Variants in TMEM116 observed in about 807,000 individuals in gnomAD.
The protein encoded by TMEM116 is transmembrane protein 116.
A neutral mutation model predicts 44.3 loss-of-function variants in TMEM116; 38 were observed. The ratio of observed to expected loss-of-function variants is 0.86; its 90% CI spans 0.66 to 1.12. The LOEUF is 1.12. TMEM116 is among the 50% of genes most tolerant of loss of function. The pLI, the probability that TMEM116 is intolerant of heterozygous loss-of-function variation, is 0.00. For synonymous variants in TMEM116, 132 were observed against 144.8 expected (o/e 0.91, Z 0.64); for missense variants, 354 against 401.7 (o/e 0.88, Z 1.01).
At chr12:111,932,867 A>G in intron 9 of TMEM116, 1 of 576,844 alleles carries the variant, frequency 1.7e-6, no homozygotes. Context: ...TTAGTGTAGT[A>G]ATGGTAGCAG....
chr12:111,984,171 G>C (rs1436553340), intron 4 of TMEM116, among the ~76,000 whole-genome samples: 1 of 151,500 alleles, frequency 6.6e-6, no homozygotes, highest in Non-Finnish European at 1.5e-5. Flanking sequence ...CCCAAACTAG[G>C]AACAGAAGAA....
chr12:111,952,192 G>T (rs539059491), intron 4 of TMEM116, among the ~76,000 whole-genome samples: 2 of 152,094 alleles, frequency 1.3e-5, no homozygotes, highest in Non-Finnish European at 2.9e-5. Flanking sequence ...TTGAGCCACT[G>T]CACTCCAGCC....
intron 3 of TMEM116, chr12:111,992,883 CT>C (rs1217852396): frequency 1.3e-5 from 2 of 152,238 alleles, no homozygotes; most frequent in Non-Finnish European, 2.9e-5. Flanking sequence ...ACCTATTTTC[CT>C]GTGGAACTTG....
intron 4 of TMEM116, among the ~76,000 whole-genome samples, chr12:111,966,898 G>A (rs1745665106): frequency 6.6e-6 from 1 of 152,180 alleles, no homozygotes; most frequent in Non-Finnish European, 1.5e-5. Flanking sequence ...AGCTTGGTCA[G>A]CCTATCTTGT....
intron 2 of TMEM116, among the ~76,000 whole-genome samples, 182 bp downstream of exon 2, chr12:112,005,075 T>C (rs2077506275): frequency 6.6e-6 from 1 of 152,246 alleles, no homozygotes; most frequent in African/African-American, 2.4e-5. Context: ...TTAATCAATT[T>C]TTTGTTGTTA....
At chr12:111,940,567 G>GTATATATATATATA (rs138347540) in intron 5 of TMEM116, among the ~76,000 whole-genome samples, 2 of 130,218 alleles carry the variant, frequency 1.5e-5, no homozygotes, top group African/African-American at 6.0e-5. Context: ...ATATATGTGT[G>GTATATATATATATA]TATATATATA....
Position 111,936,772 on chromosome 12 carries a change from T to C in TMEM116, c.508A>G (p.Thr170Ala). ...AMAELPPSAN[T>A]SVCSTLYFYG... ...AAATAAAGTGTGCTACAGACAGATG[T>C]GTTGGCAGAAGGTGGAAGTTCAGCC... Residue 170 changes from threonine to alanine, a missense_variant, in exon 8 of 11, where the codon ACA (threonine) becomes GCA (alanine). Coordinates refer to ENST00000552374, the MANE Select transcript of TMEM116 (RefSeq NM_001193531.2). 6.2e-7 allele frequency: 1 copy of C among 1,613,616 alleles called. No homozygotes were observed. Among genetic ancestry groups the C allele is most frequent in the Non-Finnish European group, 8.5e-7 (1 of 1,179,830 alleles).
At chr12:111,963,159 C>T (rs895202874) in intron 4 of TMEM116, among the ~76,000 whole-genome samples, 3 of 152,214 alleles carry the variant, frequency 2.0e-5, no homozygotes, top group South Asian at 2.1e-4. Flanking sequence ...AGTCAGGAAA[C>T]AACAGATACT....
intron 2 of TMEM116, among the ~76,000 whole-genome samples, chr12:112,004,294 T>C (rs2077453452): frequency 6.6e-6 from 1 of 151,864 alleles, no homozygotes; most frequent in South Asian, 2.1e-4. Context: ...ACATATTTTT[T>C]TTTTTTTAGA....
chr12:112,008,085 C>T (rs529846290), intron 1 of TMEM116, among the ~76,000 whole-genome samples: 4 of 152,202 alleles, frequency 2.6e-5, no homozygotes, highest in South Asian at 2.1e-4. Flanking sequence ...CAGCAGGCTG[C>T]GGCAGGAGGA....
intron 1 of TMEM116, chr12:112,010,300 C>T (rs2077777599): frequency 6.6e-6 from 1 of 152,226 alleles, no homozygotes; most frequent in Non-Finnish European, 1.5e-5. Flanking sequence ...TGTCTTGTAG[C>T]TCATAGTGTT....
intron 4 of TMEM116, among the ~76,000 whole-genome samples, chr12:111,945,667 C>T (rs1040953234): frequency 1.3e-5 from 2 of 152,048 alleles, no homozygotes; most frequent in Non-Finnish European, 2.9e-5. Flanking sequence ...GTTAAACTCC[C>T]AGAGACACAA....
chr12:111,969,475 A>T (rs1359753719), intron 4 of TMEM116, among the ~76,000 whole-genome samples: 1 of 151,510 alleles, frequency 6.6e-6, no homozygotes, highest in Non-Finnish European at 1.5e-5. Context: ...GCTCACAACC[A>T]TCTCCGTCTC....
intron 3 of TMEM116, among the ~76,000 whole-genome samples, chr12:111,995,850 G>T (rs1419732958): frequency 6.6e-6 from 1 of 151,184 alleles, no homozygotes; most frequent in Non-Finnish European, 1.5e-5. Context: ...GGGAAACATG[G>T]TGAGACTCCA....
intron 5 of TMEM116, among the ~76,000 whole-genome samples, chr12:111,940,488 C>CAG (rs1221957293): frequency 2.4e-5 from 3 of 124,396 alleles, no homozygotes; most frequent in Non-Finnish European, 3.3e-5. Context: ...CATACACACA[C>CAG]ACACACACAC....
chr12:111,960,856 A>T (rs1450828443), intron 4 of TMEM116, among the ~76,000 whole-genome samples: 1 of 152,212 alleles, frequency 6.6e-6, no homozygotes, highest in Non-Finnish European at 1.5e-5. Flanking sequence ...TAGAGACAGG[A>T]AAAACCCTTC....
rs1422241200 is a variant in TMEM116 at position 111,931,313 on chromosome 12, A to T, written c.*308T>A. On this transcript the variant is annotated 3_prime_UTR_variant, in exon 11 of 11. Coordinates refer to ENST00000552374, the MANE Select transcript of TMEM116 (RefSeq NM_001193531.2). The stretch of plus-strand genomic sequence containing the variant: ...ATGACACATATAAATAATAATCTAG[A>T]ATTTATTTTTTCTAGAAGAGACTTA... The T allele has an allele frequency of 6.4e-6, 2 of 313,398 alleles. No individual in the cohort carries two copies. Among genetic ancestry groups the T allele is most frequent in the African/African-American group, 4.5e-5 (2 of 44,902 alleles). 19.4% of individuals were successfully genotyped at this position (313,398 alleles called of 1,614,324 possible).
intron 1 of TMEM116, among the ~76,000 whole-genome samples, chr12:112,006,899 T>C (rs2077609844): frequency 6.6e-6 from 1 of 152,220 alleles, no homozygotes; most frequent in Non-Finnish European, 1.5e-5. Context: ...TTTAAATACA[T>C]GACTAATTTA....
chr12:111,931,683 T>C lies in TMEM116; in HGVS notation c.952A>G (p.Arg318Gly). 1 of 1,614,200 alleles carries C rather than the reference T, an allele frequency of 6.2e-7. No individual in the cohort carries two copies. Among genetic ancestry groups the C allele is most frequent in the Non-Finnish European group, 8.5e-7 (1 of 1,180,024 alleles). ...LLCSQKRFYS[R>G]GLNSLESTLT... ...GTGGATTCCAGTGAATTTAAGCCCC[T>C]GCTATAGAATCTCTTCTGTGAGCAT... Residue 318 changes from arginine (R) to glycine (G), a missense_variant, in exon 11 of 11, where the codon AGG (arginine) becomes GGG (glycine). Transcript: ENST00000552374.
Sources: gnomAD v4.1 joint callset for allele counts (sites outside exome capture counted in the v4.1 genomes callset) on GRCh38, gnomAD v4.1.1 for gene constraint, MANE v1.5 for transcripts, NCBI Gene and HGNC (gene_info 2026-07-23, HGNC 2026-07-21) for gene names.